The following ADAMTSL3 variants were observed in gnomAD, a reference collection of about 807,000 sequenced individuals.
ADAMTSL3 encodes the protein ADAMTS-like protein 3.
In ADAMTSL3, 128 loss-of-function variants were observed where a neutral mutation model predicts 201.7. The ratio of observed to expected loss-of-function variants is 0.63; its 90% CI spans 0.55 to 0.73. ADAMTSL3 has a LOEUF of 0.73. Ranked by LOEUF, ADAMTSL3 falls within the 30% of genes least tolerant of loss-of-function variation. The pLI is 0.00. For synonymous variants in ADAMTSL3, 738 were observed against 748.4 expected, an observed-to-expected ratio of 0.99 and a Z score of 0.23; for missense variants, 1,990 against 2,119.6, an observed-to-expected ratio of 0.94 and a Z score of 1.20.
chr15:83,974,874 G>C (rs1000075443), intron 20 of ADAMTSL3, among the ~76,000 whole-genome samples: 1 of 152,028 alleles, frequency 6.6e-6, no homozygotes, highest in Non-Finnish European at 1.5e-5. Context: ...AGGAACCCAG[G>C]CATGCCCTAT....
At chr15:83,935,965 A>G (rs1053422636) in intron 17 of ADAMTSL3, among the ~76,000 whole-genome samples, 2 of 152,054 alleles carry the variant, frequency 1.3e-5, no homozygotes, top group African/African-American at 4.8e-5. Flanking sequence ...AAAACCAGGA[A>G]ATTGCACTAT....
At chr15:83,774,873 G>A (rs2063044984) in intron 4 of ADAMTSL3, among the ~76,000 whole-genome samples, 2 of 150,254 alleles carry the variant, frequency 1.3e-5, no homozygotes, top group African/African-American at 4.9e-5. Flanking sequence ...TTTGGAGATG[G>A]AGTCTCACTC....
At position 84,025,302 on chromosome 15, in the gene ADAMTSL3, G is replaced by A. The variant is rs2068282741; in HGVS notation, c.4522G>A (p.Val1508Met). 6.2e-7 allele frequency: 1 copy of A among 1,614,022 alleles called. No individual in the cohort carries two copies. The highest frequency in any genetic ancestry group is 1.7e-5 in the Admixed American group (1 of 59,998). ...SCGEGYHSRQ[V>M]TCKRTKANGT... is the part of the protein sequence containing the mutation. The stretch of plus-strand genomic sequence containing the variant: ...CGGTGAAGGATACCACAGTCGGCAG[G>A]TGACGTGCAAGCGGACAAAAGCCAA... Residue 1508 changes from valine (V) to methionine (M), a missense_variant, in exon 27 of 30, where the codon GTG (valine) becomes ATG (methionine). Transcript: ENST00000286744.
At chr15:83,680,615 T>A (rs1350678411) in intron 2 of ADAMTSL3, among the ~76,000 whole-genome samples, 1 of 151,840 alleles carries the variant, frequency 6.6e-6, no homozygotes, top group Non-Finnish European at 1.5e-5. Context: ...AACATCAATT[T>A]TCCATATGTA....
At chr15:83,754,977 T>C (rs906601374) in intron 3 of ADAMTSL3, among the ~76,000 whole-genome samples, 19 of 152,348 alleles carry the variant, frequency 1.2e-4, no homozygotes, top group African/African-American at 3.8e-4. Context: ...ATTGGTTATG[T>C]TATTATATAT....
intron 3 of ADAMTSL3, among the ~76,000 whole-genome samples, chr15:83,711,666 A>G (rs2061935609): frequency 6.6e-6 from 1 of 152,284 alleles, no homozygotes; most frequent in Non-Finnish European, 1.5e-5. Flanking sequence ...TTCACAGTTC[A>G]TGCGTGTAGC....
intron 2 of ADAMTSL3, among the ~76,000 whole-genome samples, chr15:83,696,046 C>G (rs2141475275): frequency 6.6e-6 from 1 of 152,238 alleles, no homozygotes; most frequent in South Asian, 2.1e-4. Flanking sequence ...GGGGGAATAG[C>G]CCCTGAGGCC....
chr15:83,865,108 A>G (rs2064947019), intron 8 of ADAMTSL3, among the ~76,000 whole-genome samples: 1 of 152,170 alleles, frequency 6.6e-6, no homozygotes, highest in Non-Finnish European at 1.5e-5. Flanking sequence ...TCAATGAAAT[A>G]AAAGAGGATA....
intron 4 of ADAMTSL3, among the ~76,000 whole-genome samples, chr15:83,777,880 A>G (rs1348485560): frequency 6.6e-6 from 1 of 152,206 alleles, no homozygotes; most frequent in Non-Finnish European, 1.5e-5. Flanking sequence ...CCATTATAAA[A>G]CAATACTGGA....
Position 83,704,243 on chromosome 15 carries a change from G to C in ADAMTSL3, c.70-146G>C, listed in dbSNP as rs75237225. 633 of 1,231,196 alleles carry C rather than the reference G, an allele frequency of 5.1e-4. 6 individuals carry two copies. The East Asian group carries it at 0.014, about 28-fold the overall frequency. 76.3% of individuals were successfully genotyped at this position (1,231,196 alleles called of 1,614,324 possible). The stretch of plus-strand genomic sequence containing the variant: ...TGACACACCTGGTGTGCCTCACCCT[G>C]GTCTTTGCCAAGAGAGGTCACTTCC... On this transcript the variant is annotated intron_variant, in intron 2 of 29. Coordinates refer to ENST00000286744, the MANE Select transcript of ADAMTSL3 (RefSeq NM_207517.3).
intron 2 of ADAMTSL3, among the ~76,000 whole-genome samples, chr15:83,677,278 T>A (rs530134583): frequency 2.6e-5 from 4 of 152,356 alleles, no homozygotes; most frequent in Admixed American, 2.0e-4. Flanking sequence ...TCTTTAGATG[T>A]CAATTAGATT....
chr15:83,943,248 C>T (rs1000720107), intron 19 of ADAMTSL3, among the ~76,000 whole-genome samples, 166 bp downstream of exon 19: 1 of 152,160 alleles, frequency 6.6e-6, no homozygotes, highest in Non-Finnish European at 1.5e-5. Flanking sequence ...GTGCAAGTTC[C>T]GTAGTCCAGG....
intron 28 of ADAMTSL3, among the ~76,000 whole-genome samples, chr15:84,035,339 C>A (rs1297282939): frequency 1.3e-5 from 2 of 152,140 alleles, no homozygotes; most frequent in African/African-American, 4.8e-5. Flanking sequence ...ATTTGGTATT[C>A]TTTTAAATAT....
intron 5 of ADAMTSL3, among the ~76,000 whole-genome samples, chr15:83,812,180 G>C (rs1186228542): frequency 1.3e-5 from 2 of 152,034 alleles, no homozygotes; most frequent in Non-Finnish European, 2.9e-5. Flanking sequence ...TTAATTGGGG[G>C]CTCAAAATAT....
At chr15:83,677,649 A>G (rs980721443) in intron 2 of ADAMTSL3, among the ~76,000 whole-genome samples, 1 of 152,022 alleles carries the variant, frequency 6.6e-6, no homozygotes, top group Non-Finnish European at 1.5e-5. Flanking sequence ...ACCTGCCTAC[A>G]TTATCATATT....
At chr15:83,792,843 T>G (rs560271548) in intron 4 of ADAMTSL3, among the ~76,000 whole-genome samples, 1 of 152,120 alleles carries the variant, frequency 6.6e-6, no homozygotes, top group African/African-American at 2.4e-5. Flanking sequence ...TGGATATATA[T>G]CCAAAGGAAA....
chr15:83,756,658 C>G (rs1307755150), intron 3 of ADAMTSL3, among the ~76,000 whole-genome samples: 2 of 149,206 alleles, frequency 1.3e-5, no homozygotes, highest in East Asian at 3.9e-4. Flanking sequence ...TCCCAACAGT[C>G]CCCCAAGTCT....
At chr15:83,699,400 C>T (rs1000372245) in intron 2 of ADAMTSL3, among the ~76,000 whole-genome samples, 6 of 152,148 alleles carry the variant, frequency 3.9e-5, no homozygotes, top group African/African-American at 1.4e-4. Flanking sequence ...CCTCCCTTTT[C>T]CTCCCTCATC....
intron 15 of ADAMTSL3, among the ~76,000 whole-genome samples, chr15:83,911,581 G>A (rs2065936186): frequency 6.6e-6 from 1 of 152,130 alleles, no homozygotes; most frequent in Non-Finnish European, 1.5e-5. Flanking sequence ...GCCCTCACAT[G>A]GAATCTGAGA....
Sources: gnomAD v4.1 joint callset for allele counts (sites outside exome capture counted in the v4.1 genomes callset) on GRCh38, gnomAD v4.1.1 for gene constraint, MANE v1.5 for transcripts, NCBI Gene and HGNC (gene_info 2026-07-23, HGNC 2026-07-21) for gene names.